Variants in HS2ST1 observed in about 807,000 individuals in gnomAD.
HS2ST1 encodes the protein 2-O-sulfotransferase.
HS2ST1 carries 18 observed loss-of-function variants against 42.9 expected under a neutral mutation model. The ratio of observed to expected loss-of-function variants is 0.42; its 90% CI spans 0.29 to 0.62. HS2ST1 has a LOEUF of 0.62. Among genes scored for constraint, HS2ST1 ranks in the 20% least tolerant of loss-of-function variants. The probability of loss-of-function intolerance (pLI) is 0.21; values close to 1 mark genes in which losing one functional copy is unlikely to be tolerated. For missense variants in HS2ST1, 334 were observed against 433.8 expected (o/e 0.77, Z 2.04); for synonymous variants, 146 against 152.9 (o/e 0.95, Z 0.33).
At chr1:86,950,804 A>C (rs1647491812) in intron 1 of HS2ST1, among the ~76,000 whole-genome samples, 1 of 152,204 alleles carries the variant, frequency 6.6e-6, no homozygotes, top group East Asian at 1.9e-4. Context: ...GTATTTTTTT[A>C]CGGCCTTTTA....
intron 1 of HS2ST1, among the ~76,000 whole-genome samples, chr1:87,034,757 TA>T (rs1650328905): frequency 6.6e-6 from 1 of 152,202 alleles, no homozygotes; most frequent in African/African-American, 2.4e-5. Flanking sequence ...TTTATAAAAT[TA>T]AAGAGCCAGA....
rs541493624 is a variant in HS2ST1, at chr1:87,091,368, T to TA, written c.450-1160dup. Among the ~76,000 whole-genome samples the TA allele has an allele frequency of 1.2e-3, 180 of 151,966 alleles. 1 individual carries two copies. The highest frequency in any genetic ancestry group is 4.1e-3 in the African/African-American group (169 of 41,500). ...AAATGGTTTCTTGTTTGAGGAGAGTTAAAGAAAAAGTTAGATCAATAAGGT... is the reference window on the plus strand; with the variant it reads ...AAATGGTTTCTTGTTTGAGGAGAGTTAAAAGAAAAAGTTAGATCAATAAGGT... On this transcript the variant is annotated intron_variant, in intron 3 of 6. Coordinates refer to ENST00000370550, the MANE Select transcript of HS2ST1 (RefSeq NM_012262.4).
chr1:87,008,755 A>C (rs1347532338), intron 1 of HS2ST1, among the ~76,000 whole-genome samples: 1 of 152,252 alleles, frequency 6.6e-6, no homozygotes, highest in Non-Finnish European at 1.5e-5. Flanking sequence ...AAAATTCCTC[A>C]TAAGCAGTAT....
intron 1 of HS2ST1, among the ~76,000 whole-genome samples, chr1:86,929,838 T>C (rs1170385390): frequency 2.0e-5 from 3 of 151,906 alleles, no homozygotes; most frequent in Non-Finnish European, 4.4e-5. Flanking sequence ...GAGGAATATG[T>C]TCTGTATCCT....
At position 87,078,792 on chromosome 1, in the gene HS2ST1, G is replaced by C. The variant is rs75581650; in HGVS notation, c.364-5402G>C. ...TCTGTATTTTCAAACCTTGTCTCAA[G>C]GTCTTAGGCAGCATGCCCAAGAGAA... On this transcript the variant is annotated intron_variant, in intron 2 of 6. Coordinates refer to ENST00000370550, the MANE Select transcript of HS2ST1 (RefSeq NM_012262.4). 9.0e-3 allele frequency among the ~76,000 whole-genome samples: 1,365 copies of C among 152,196 alleles called. 21 individuals carry two copies. Among genetic ancestry groups the C allele is most frequent in the African/African-American group, 0.032 (1,314 of 41,514 alleles).
At chr1:87,008,442 A>T (rs550433723) in intron 1 of HS2ST1, among the ~76,000 whole-genome samples, 1 of 152,234 alleles carries the variant, frequency 6.6e-6, no homozygotes, top group Non-Finnish European at 1.5e-5. Flanking sequence ...CAAAACATTT[A>T]TACACTGTAA....
At chr1:87,021,252 G>T (rs906258789) in intron 1 of HS2ST1, among the ~76,000 whole-genome samples, 2 of 152,108 alleles carry the variant, frequency 1.3e-5, no homozygotes, top group African/African-American at 4.8e-5. Context: ...CTCACTCCCA[G>T]AATATATTTT....
chr1:87,000,213 G>A (rs1029549623), intron 1 of HS2ST1, among the ~76,000 whole-genome samples: 1 of 151,958 alleles, frequency 6.6e-6, no homozygotes, highest in Non-Finnish European at 1.5e-5. Context: ...TAAAATTGAT[G>A]CTTGAGACCT....
chr1:87,016,774 C>T (rs1410929959), intron 1 of HS2ST1, among the ~76,000 whole-genome samples: 4 of 152,132 alleles, frequency 2.6e-5, no homozygotes, highest in African/African-American at 7.2e-5. Flanking sequence ...TCTGTTCAGC[C>T]GTATCCTCTG....
intron 2 of HS2ST1, among the ~76,000 whole-genome samples, chr1:87,079,344 C>A (rs879519862): frequency 6.6e-6 from 1 of 152,036 alleles, no homozygotes; most frequent in Non-Finnish European, 1.5e-5. Context: ...TACCATGTTG[C>A]CTTGGCTGGT....
At chr1:87,025,809 C>A (rs1331660493) in intron 1 of HS2ST1, among the ~76,000 whole-genome samples, 1 of 152,050 alleles carries the variant, frequency 6.6e-6, no homozygotes, top group African/African-American at 2.4e-5. Flanking sequence ...TTCTTTATTG[C>A]ATGTGATTCT....
At position 87,055,323 on chromosome 1, in the gene HS2ST1, T is replaced by C. The variant is rs187985695; in HGVS notation, c.125-17611T>C. 5.0e-3 allele frequency among the ~76,000 whole-genome samples: 759 copies of C among 152,276 alleles called. 5 individuals are homozygous for C. Among genetic ancestry groups the C allele is most frequent in the Non-Finnish European group, 8.4e-3 (569 of 68,010 alleles). ...CCCAATTCTCAAATTCACTGAATGG[T>C]ACCATCTTCCTCCTCAGTAAAGAAG... On this transcript the variant is annotated intron_variant, in intron 1 of 6. Coordinates refer to ENST00000370550, the MANE Select transcript of HS2ST1 (RefSeq NM_012262.4).
chr1:87,016,684 A>G (rs1313917606), intron 1 of HS2ST1, among the ~76,000 whole-genome samples: 1 of 152,220 alleles, frequency 6.6e-6, no homozygotes, highest in Non-Finnish European at 1.5e-5. Flanking sequence ...TGCAGCAGCT[A>G]TACATAAAAC....
At chr1:86,994,830 A>C (rs1389408573) in intron 1 of HS2ST1, among the ~76,000 whole-genome samples, 3 of 152,276 alleles carry the variant, frequency 2.0e-5, no homozygotes, top group African/African-American at 7.2e-5. Context: ...ATTTAACAGA[A>C]AGTACATACT....
chr1:87,064,218 T>C (rs1380056191), intron 1 of HS2ST1, among the ~76,000 whole-genome samples: 1 of 152,244 alleles, frequency 6.6e-6, no homozygotes. Context: ...GTAGGGATTC[T>C]TTTGTCTGTA....
intron 1 of HS2ST1, among the ~76,000 whole-genome samples, chr1:86,963,272 A>G (rs565401768): frequency 1.9e-4 from 29 of 152,174 alleles, no homozygotes; most frequent in African/African-American, 7.0e-4. Flanking sequence ...AAGTGAACAA[A>G]GGTCTCTGGT....
At chr1:86,987,823 A>G (rs2102227733) in intron 1 of HS2ST1, among the ~76,000 whole-genome samples, 1 of 152,360 alleles carries the variant, frequency 6.6e-6, no homozygotes, top group African/African-American at 2.4e-5. Context: ...ATCTACAGCA[A>G]CCATTCAAAG....
At chr1:87,025,823 A>T (rs1028203246) in intron 1 of HS2ST1, among the ~76,000 whole-genome samples, 3 of 152,150 alleles carry the variant, frequency 2.0e-5, no homozygotes, top group African/African-American at 7.2e-5. Flanking sequence ...TGATTCTTCC[A>T]GGAATTAAGA....
chr1:87,098,752 C>T (rs1652129700), intron 5 of HS2ST1, among the ~76,000 whole-genome samples: 1 of 152,138 alleles, frequency 6.6e-6, no homozygotes, highest in Non-Finnish European at 1.5e-5. Flanking sequence ...CAGGTTGTAT[C>T]CTGCAGACCC....
Sources: allele counts gnomAD v4.1 joint callset (sites outside exome capture counted in the v4.1 genomes callset), GRCh38; gene constraint gnomAD v4.1.1; transcripts MANE v1.5; gene names NCBI Gene and HGNC (gene_info 2026-07-23, HGNC 2026-07-21).